FHIT: variants seen among roughly 807,000 people sequenced by gnomAD.
FHIT encodes the protein bis(5'-adenosyl)-triphosphatase.
In FHIT, 19 loss-of-function variants were observed where a neutral mutation model predicts 17.9. That is an observed-to-expected ratio of 1.06 (90% CI 0.74 to 1.56). The LOEUF (loss-of-function observed/expected upper bound fraction) is 1.56. Among genes scored for constraint, FHIT ranks in the 40% most tolerant of loss-of-function variants. FHIT has a pLI of 0.00. For synonymous variants in FHIT, 81 were observed against 69.7 expected (o/e 1.16, Z -0.81); for missense variants, 248 against 189.2 (o/e 1.31, Z -1.82).
chr3:59,966,799 G>A (rs1340231399), intron 7 of FHIT, among the ~76,000 whole-genome samples: 1 of 152,062 alleles, frequency 6.6e-6, no homozygotes, highest in Non-Finnish European at 1.5e-5. Context: ...GGGCATTACT[G>A]TACATTTCTA....
At chr3:60,263,605 TA>T (rs1706411573) in intron 5 of FHIT, among the ~76,000 whole-genome samples, 1 of 151,840 alleles carries the variant, frequency 6.6e-6, no homozygotes, top group African/African-American at 2.4e-5. Flanking sequence ...ACAAAATACT[TA>T]AAAAGCCAAA....
In FHIT at chr3:60,889,805, A is replaced by G. The variant is rs537378871; in HGVS notation, c.-110-67794T>C. Among the ~76,000 whole-genome samples the G allele has an allele frequency of 3.2e-3, 488 of 152,336 alleles. 5 individuals carry two copies. The highest frequency in any genetic ancestry group is 0.011 in the African/African-American group (468 of 41,572). Reference sequence around the variant, plus strand: ...ATCAAAAGAAGAGGCAAATTGGGTTAATATGATTCAATTTACGTCTGGGCT... The same window carrying G: ...ATCAAAAGAAGAGGCAAATTGGGTTGATATGATTCAATTTACGTCTGGGCT... On this transcript the variant is annotated intron_variant, in intron 3 of 9. Transcript: ENST00000492590.
At chr3:60,002,962 C>G (rs948265080) in intron 7 of FHIT, among the ~76,000 whole-genome samples, 1 of 151,970 alleles carries the variant, frequency 6.6e-6, no homozygotes, top group Non-Finnish European at 1.5e-5. Flanking sequence ...CTTCATGGGC[C>G]CCACCCTCAG....
chr3:59,960,379 G>A (rs1259371268), intron 7 of FHIT, among the ~76,000 whole-genome samples: 2 of 152,180 alleles, frequency 1.3e-5, no homozygotes, highest in Non-Finnish European at 2.9e-5. Flanking sequence ...TGAGGAAGCA[G>A]GAGGCAAGGA....
At chr3:60,538,665 A>G (rs1361360301) in intron 4 of FHIT, among the ~76,000 whole-genome samples, 1 of 152,228 alleles carries the variant, frequency 6.6e-6, no homozygotes, top group Admixed American at 6.5e-5. Flanking sequence ...ATCTTTGACA[A>G]ACCTGACAAA....
At chr3:59,972,390 C>G (rs1018039753) in intron 7 of FHIT, among the ~76,000 whole-genome samples, 33 of 152,028 alleles carry the variant, frequency 2.2e-4, no homozygotes, top group African/African-American at 8.0e-4. Context: ...CACTAGCCAT[C>G]CCCAGACTAT....
chr3:60,416,616 A>AT (rs895201355), intron 5 of FHIT, among the ~76,000 whole-genome samples: 4 of 151,958 alleles, frequency 2.6e-5, no homozygotes, highest in East Asian at 3.9e-4. Flanking sequence ...TCATATCGTG[A>AT]TTTTTTTTCA....
At chr3:61,019,067 A>G (rs527281178) in intron 3 of FHIT, among the ~76,000 whole-genome samples, 60 of 152,320 alleles carry the variant, frequency 3.9e-4, no homozygotes, top group Admixed American at 2.2e-3. Flanking sequence ...CTGTTTTTAC[A>G]CAGTAGAAAA....
intron 5 of FHIT, among the ~76,000 whole-genome samples, chr3:60,227,033 G>T (rs1440418060): frequency 1.3e-5 from 2 of 152,030 alleles, no homozygotes; most frequent in Non-Finnish European, 2.9e-5. Flanking sequence ...ATCTACAAGG[G>T]CTCAGAGGTA....
chr3:60,396,733 A>C (rs1296616761), intron 5 of FHIT, among the ~76,000 whole-genome samples: 1 of 152,178 alleles, frequency 6.6e-6, no homozygotes, highest in Non-Finnish European at 1.5e-5. Flanking sequence ...GCTGCACAAC[A>C]TTATCAGTGT....
chr3:60,560,597 G>A (rs1463389284), intron 4 of FHIT, among the ~76,000 whole-genome samples: 1 of 152,060 alleles, frequency 6.6e-6, no homozygotes, highest in East Asian at 1.9e-4. Context: ...TTCTGTTTGA[G>A]GTTGAAAATG....
chr3:61,066,210 C>T (rs957961451), intron 2 of FHIT, among the ~76,000 whole-genome samples: 14 of 152,160 alleles, frequency 9.2e-5, no homozygotes, highest in African/African-American at 3.4e-4. Flanking sequence ...CCCCCATGCC[C>T]TAATCACCTC....
chr3:61,208,622 G>C (rs1238189475), intron 1 of FHIT, among the ~76,000 whole-genome samples: 1 of 151,968 alleles, frequency 6.6e-6, no homozygotes, highest in African/African-American at 2.4e-5. Context: ...TTTTATCAGT[G>C]ACTAGGATTG....
At chr3:60,196,509 T>TA (rs1292012017) in intron 5 of FHIT, among the ~76,000 whole-genome samples, 2 of 152,084 alleles carry the variant, frequency 1.3e-5, no homozygotes, top group Non-Finnish European at 2.9e-5. Flanking sequence ...CCAAAATTTT[T>TA]AACCTAATCA....
At position 60,098,178 on chromosome 3, in the gene FHIT, G is replaced by A. The variant is rs200764408; in HGVS notation, c.104-84026C>T. On this transcript the variant is annotated intron_variant, in intron 5 of 9. Coordinates refer to ENST00000492590, the MANE Select transcript of FHIT (RefSeq NM_002012.4). ...GTGAATAGTGCCGCAATAAACATACGTGTGCATGTGTCTTTATAGCAGCAT... is the reference window on the plus strand; with the variant it reads ...GTGAATAGTGCCGCAATAAACATACATGTGCATGTGTCTTTATAGCAGCAT... 0.037 allele frequency among the ~76,000 whole-genome samples: 4,841 copies of A among 132,028 alleles called. 426 individuals are homozygous for A. The East Asian group carries it at 0.39, about 11-fold the overall frequency. The allele number at this position is 132,028 out of a possible 152,430, so 86.6% of individuals were successfully genotyped here.
intron 8 of FHIT, among the ~76,000 whole-genome samples, chr3:59,889,662 T>A (rs1703769139): frequency 6.6e-6 from 1 of 152,236 alleles, no homozygotes; most frequent in Admixed American, 6.5e-5. Context: ...GATAATACTT[T>A]CTAATCCTAA....
At chr3:60,240,825 C>T (rs1275652273) in intron 5 of FHIT, among the ~76,000 whole-genome samples, 1 of 152,040 alleles carries the variant, frequency 6.6e-6, no homozygotes, top group Non-Finnish European at 1.5e-5. Flanking sequence ...TAGCAACCCT[C>T]AGATCCAAGA....
In FHIT at chr3:60,130,933, TTATATA is replaced by T. The variant is rs1034536651; in HGVS notation, c.104-116787_104-116782del. ...CATATATGTATACATACATATATGT[TTATATA>T]TATACATATGTGACAATAAACCAGT... On this transcript the variant is annotated intron_variant, in intron 5 of 9. Coordinates refer to ENST00000492590, the MANE Select transcript of FHIT (RefSeq NM_002012.4). 2.1e-5 allele frequency among the ~76,000 whole-genome samples: 3 copies of T among 145,152 alleles called. No individual in the cohort carries two copies. In the South Asian group the frequency reaches 6.6e-4, roughly 32 times the overall value.
chr3:60,574,229 C>A (rs555600014), intron 4 of FHIT, among the ~76,000 whole-genome samples: 26 of 152,112 alleles, frequency 1.7e-4, no homozygotes, highest in Non-Finnish European at 3.2e-4. Flanking sequence ...TGAGCCCTCT[C>A]CTTTTATCCT....
Sources: gnomAD v4.1 joint callset for allele counts (sites outside exome capture counted in the v4.1 genomes callset) on GRCh38, gnomAD v4.1.1 for gene constraint, MANE v1.5 for transcripts, NCBI Gene and HGNC (gene_info 2026-07-23, HGNC 2026-07-21) for gene names.